Variants in PGBD5 observed in about 807,000 individuals in gnomAD.
PGBD5 encodes piggyBac transposable element derived 5.
Under a neutral mutation model 47.9 loss-of-function variants are expected in PGBD5, and 14 were observed. The observed-to-expected ratio is 0.29, with a 90% confidence interval of 0.19 to 0.46. The LOEUF is 0.46. Among genes scored for constraint, PGBD5 ranks in the 20% least tolerant of loss-of-function variants. The probability of loss-of-function intolerance (pLI) is 1.00; values close to 1 mark genes in which losing one functional copy is unlikely to be tolerated. For synonymous variants in PGBD5, 316 were observed against 306.3 expected, an observed-to-expected ratio of 1.03 and a Z score of -0.33; for missense variants, 635 against 716.0, an observed-to-expected ratio of 0.89 and a Z score of 1.29.
At chr1:230,416,410 G>C (rs1657513703) in intron 1 of PGBD5, among the ~76,000 whole-genome samples, 1 of 152,092 alleles carries the variant, frequency 6.6e-6, no homozygotes, top group Admixed American at 6.5e-5. Context: ...GTTCATTCAA[G>C]CATTCAAAAA....
chr1:230,327,528 G>A (rs950703918), intron 5 of PGBD5, among the ~76,000 whole-genome samples: 4 of 152,228 alleles, frequency 2.6e-5, no homozygotes, highest in Non-Finnish European at 4.4e-5. Flanking sequence ...ACGCAGGACC[G>A]GGGAAGGGGC....
intron 3 of PGBD5, among the ~76,000 whole-genome samples, chr1:230,342,035 T>C (rs1334887980): frequency 1.3e-5 from 2 of 152,214 alleles, no homozygotes; most frequent in Admixed American, 6.5e-5. Flanking sequence ...TTATGGATTA[T>C]AGCAGTTAAT....
chr1:230,375,443 C>A (rs1571847601), intron 1 of PGBD5, among the ~76,000 whole-genome samples: 1 of 152,094 alleles, frequency 6.6e-6, no homozygotes, highest in Admixed American at 6.5e-5. Flanking sequence ...GGAAGTCACC[C>A]CCTCCTGCAC....
chr1:230,396,998 T>TC (rs1199869154), intron 1 of PGBD5, among the ~76,000 whole-genome samples: 1 of 151,620 alleles, frequency 6.6e-6, no homozygotes, highest in Admixed American at 6.6e-5. Flanking sequence ...GCCTTGGGGG[T>TC]CCTTTCTAAG....
In PGBD5 at chr1:230,314,638, G is replaced by A. The variant is rs1462399202; in HGVS notation, c.*8787C>T. ...TTCACATTTGAGAACCCAGAATTCA[G>A]CTCCTGTTATACAAAATTTGTAAAA... On this transcript the variant is annotated 3_prime_UTR_variant, in exon 7 of 7. Coordinates refer to ENST00000391860, the MANE Select transcript of PGBD5 (RefSeq NM_001258311.2). The A allele has an allele frequency of 7.9e-6, 1 of 126,310 alleles. No individual in the cohort carries two copies. Among genetic ancestry groups the A allele is most frequent in the African/African-American group, 3.1e-5 (1 of 32,514 alleles). 7.8% of individuals were successfully genotyped at this position (126,310 alleles called of 1,614,324 possible).
chr1:230,386,946 T>G (rs956392836), intron 1 of PGBD5, among the ~76,000 whole-genome samples: 1 of 152,152 alleles, frequency 6.6e-6, no homozygotes, highest in African/African-American at 2.4e-5. Flanking sequence ...TAGCATCGCT[T>G]GTGGAAGTGA....
chr1:230,386,535 C>T (rs1656648376), intron 1 of PGBD5, among the ~76,000 whole-genome samples: 1 of 152,158 alleles, frequency 6.6e-6, no homozygotes, highest in Non-Finnish European at 1.5e-5. Flanking sequence ...TGGGAGTGCC[C>T]ATTTTCCACG....
At chr1:230,414,594 G>C (rs74146020) in intron 1 of PGBD5, among the ~76,000 whole-genome samples, 121 of 152,272 alleles carry the variant, frequency 7.9e-4, no homozygotes, top group African/African-American at 2.9e-3. Context: ...ATGAGGTTCT[G>C]TTCCAGGTCT....
chr1:230,372,037 G>C (rs766732261), intron 1 of PGBD5, among the ~76,000 whole-genome samples: 1 of 152,178 alleles, frequency 6.6e-6, no homozygotes, highest in Admixed American at 6.5e-5. Context: ...TCAGTGGCCC[G>C]TATCATCTAA....
In PGBD5 at chr1:230,425,043, G is replaced by A. The variant is rs183319267; in HGVS notation, c.331+555C>T. ...CCATTCTTAACAAGAGATCTGGAATGGCGCGGACAGGGAAAGTTTCTCAGA... is the reference window on the plus strand; with the variant it reads ...CCATTCTTAACAAGAGATCTGGAATAGCGCGGACAGGGAAAGTTTCTCAGA... On this transcript the variant is annotated intron_variant, in intron 1 of 6. Transcript: ENST00000391860. The surrounding 1 kb of genome is among the most constrained non-coding windows in gnomAD (Gnocchi z 4.7). Among the ~76,000 whole-genome samples the A allele has an allele frequency of 3.5e-3, 526 of 152,278 alleles. 5 individuals are homozygous for A. Among genetic ancestry groups the A allele is most frequent in the African/African-American group, 0.012 (504 of 41,546 alleles).
intron 1 of PGBD5, among the ~76,000 whole-genome samples, chr1:230,412,760 G>A (rs1026135110): frequency 1.3e-5 from 2 of 152,150 alleles, no homozygotes; most frequent in African/African-American, 4.8e-5. Flanking sequence ...GGAGTGGTTG[G>A]TCTTGCTGTC....
At chr1:230,402,120 TA>T (rs199972009) in intron 1 of PGBD5, among the ~76,000 whole-genome samples, 2 of 151,228 alleles carry the variant, frequency 1.3e-5, no homozygotes, top group South Asian at 4.2e-4. Flanking sequence ...AGTCTTTCCT[TA>T]AAAAAAAAGA....
rs1208515041 is a variant in PGBD5 at position 230,319,622 on chromosome 1, A to G, written c.*3803T>C. 1 of 151,966 alleles carries G rather than the reference A, an allele frequency of 6.6e-6. No homozygotes were observed. Among genetic ancestry groups the G allele is most frequent in the African/African-American group, 2.4e-5 (1 of 41,392 alleles). 9.4% of individuals were successfully genotyped at this position (151,966 alleles called of 1,614,324 possible). On this transcript the variant is annotated 3_prime_UTR_variant, in exon 7 of 7. Transcript: ENST00000391860. ...ACGGGCCACACAGGAAGGATTCAGA[A>G]CCTTCCAGGCTCTGTCCTGGGGACC... is the stretch of plus-strand genomic sequence containing the variant.
chr1:230,399,468 C>A (rs1175278088), intron 1 of PGBD5, among the ~76,000 whole-genome samples: 1 of 152,164 alleles, frequency 6.6e-6, no homozygotes, highest in African/African-American at 2.4e-5. Flanking sequence ...TGCCGTGGCC[C>A]CACCCTCTTC....
In PGBD5 at chr1:230,426,227, GCCGCCGCCA is replaced by G. The variant is rs1246975200; in HGVS notation, c.-308_-300del. ...GAGGCTGCGGCCGAGACCAGGCGCC[GCCGCCGCCA>G]CCGCCGCCACCACCGCCACCACCGC... On this transcript the variant is annotated 5_prime_UTR_variant, in exon 1 of 7. Transcript: ENST00000391860. 633 of 149,922 alleles carry G rather than the reference GCCGCCGCCA, an allele frequency of 4.2e-3. 1 individual carries two copies. Among genetic ancestry groups the G allele is most frequent in the Non-Finnish European group, 6.1e-3 (415 of 68,458 alleles). The allele number at this position is 149,922 out of a possible 1,614,324, so 9.3% of individuals were successfully genotyped here. A position where few individuals can be genotyped will look rare whatever the true frequency, so the allele number is the denominator to read the frequency against.
rs1457046362 is a variant in PGBD5, at chr1:230,315,920, ATATGTGTACACATATATG to A, written c.*7487_*7504del. The A allele has an allele frequency of 7.7e-6, 1 of 129,590 alleles. No homozygotes were observed. Among genetic ancestry groups the A allele is most frequent in the African/African-American group, 2.7e-5 (1 of 36,690 alleles). 8.0% of individuals were successfully genotyped at this position (129,590 alleles called of 1,614,324 possible). On this transcript the variant is annotated 3_prime_UTR_variant, in exon 7 of 7. Coordinates refer to ENST00000391860, the MANE Select transcript of PGBD5 (RefSeq NM_001258311.2). Reference sequence around the variant, plus strand: ...TGTGTACACATATATGTATATGTGTATATGTGTACACATATATGTATGTGTATACATACATAAGTATAT... The same window carrying A: ...TGTGTACACATATATGTATATGTGTATATGTGTATACATACATAAGTATAT...
chr1:230,409,736 A>G (rs925734287), intron 1 of PGBD5, among the ~76,000 whole-genome samples: 1 of 152,210 alleles, frequency 6.6e-6, no homozygotes, highest in African/African-American at 2.4e-5. Context: ...CCAACTGTGA[A>G]TATACTAAAA....
intron 6 of PGBD5, 40 bp downstream of exon 6, chr1:230,325,270 T>C: frequency 7.0e-7 from 1 of 1,435,230 alleles, no homozygotes; most frequent in Non-Finnish European, 9.8e-7. Context: ...ACGGCACAAC[T>C]ATGAGAGCCC....
intron 1 of PGBD5, among the ~76,000 whole-genome samples, chr1:230,375,316 A>G (rs1009216869): frequency 2.6e-5 from 4 of 152,166 alleles, no homozygotes; most frequent in African/African-American, 9.7e-5. Context: ...AGTCTCTGGG[A>G]AGGAAAAGCA....
Sources: gnomAD v4.1 joint callset for allele counts (sites outside exome capture counted in the v4.1 genomes callset) on GRCh38, gnomAD v4.1.1 for gene constraint, Gnocchi (gnomAD v3.1) non-coding constraint, MANE v1.5 for transcripts, NCBI Gene and HGNC (gene_info 2026-07-23, HGNC 2026-07-21) for gene names.